GMDS: variants seen among roughly 807,000 people sequenced by gnomAD.
GMDS encodes GDP-mannose 4,6-dehydratase.
Under a neutral mutation model 49.9 loss-of-function variants are expected in GMDS, and 20 were observed. The ratio of observed to expected loss-of-function variants is 0.40; its 90% CI spans 0.28 to 0.58. GMDS has a LOEUF of 0.58. Among genes scored for constraint, GMDS ranks in the 20% least tolerant of loss-of-function variants. GMDS has a pLI of 0.42. For synonymous variants in GMDS, 177 were observed against 178.6 expected (o/e 0.99, Z 0.07); for missense variants, 362 against 481.4 (o/e 0.75, Z 2.32).
intron 2 of GMDS, among the ~76,000 whole-genome samples, chr6:2,118,774 T>G (rs1774983628): frequency 1.3e-5 from 2 of 152,196 alleles, no homozygotes; most frequent in African/African-American, 4.8e-5. Flanking sequence ...CTTCGCAAAC[T>G]TGGTTTCACA....
chr6:1,803,957 G>A (rs1770058334), intron 7 of GMDS, among the ~76,000 whole-genome samples: 1 of 152,166 alleles, frequency 6.6e-6, no homozygotes, highest in African/African-American at 2.4e-5. Flanking sequence ...AAGCTCACAG[G>A]TATGATTTAG....
chr6:1,764,176 T>C (rs1768263756), intron 7 of GMDS, among the ~76,000 whole-genome samples: 1 of 152,166 alleles, frequency 6.6e-6, no homozygotes, highest in Admixed American at 6.5e-5. Context: ...CTTTCTGTGA[T>C]CACAAATGTA....
intron 7 of GMDS, among the ~76,000 whole-genome samples, chr6:1,888,651 C>A (rs936843376): frequency 6.6e-6 from 1 of 152,114 alleles, no homozygotes; most frequent in Admixed American, 6.6e-5. Context: ...CATGCCTTCC[C>A]AACAATCCCC....
At chr6:2,178,574 C>G (rs1010022420) in intron 1 of GMDS, among the ~76,000 whole-genome samples, 1 of 152,098 alleles carries the variant, frequency 6.6e-6, no homozygotes, top group Non-Finnish European at 1.5e-5. Context: ...GGTTCCAATC[C>G]AACATAAGAT....
At chr6:1,889,178 C>A (rs1033292519) in intron 7 of GMDS, among the ~76,000 whole-genome samples, 1 of 152,204 alleles carries the variant, frequency 6.6e-6, no homozygotes, top group African/African-American at 2.4e-5. Flanking sequence ...TCATTCTCCA[C>A]ACACTCATTA....
At chr6:2,054,828 C>A (rs1016934542) in intron 4 of GMDS, among the ~76,000 whole-genome samples, 6 of 151,376 alleles carry the variant, frequency 4.0e-5, no homozygotes, top group South Asian at 2.1e-4. Flanking sequence ...ACAAAAAAAA[C>A]CACATGATCC....
At chr6:1,996,040 G>A (rs536397272) in intron 4 of GMDS, among the ~76,000 whole-genome samples, 19 of 152,180 alleles carry the variant, frequency 1.2e-4, no homozygotes, top group South Asian at 6.2e-4. Flanking sequence ...GAGAAACATG[G>A]CTTTGGGATA....
chr6:1,780,056 G>A (rs767481353), intron 7 of GMDS, among the ~76,000 whole-genome samples: 15 of 152,244 alleles, frequency 9.9e-5, no homozygotes, highest in South Asian at 2.1e-4. Context: ...CCGTGAGCAC[G>A]CCTCACTCAA....
intron 6 of GMDS, among the ~76,000 whole-genome samples, chr6:1,956,223 C>T (rs1486467213): frequency 6.6e-6 from 1 of 152,056 alleles, no homozygotes; most frequent in Non-Finnish European, 1.5e-5. Flanking sequence ...TCTTAGAGGC[C>T]CAGACAACAA....
chr6:1,997,231 T>C (rs757663694), intron 4 of GMDS, among the ~76,000 whole-genome samples: 18 of 152,028 alleles, frequency 1.2e-4, no homozygotes, highest in Non-Finnish European at 1.8e-4. Context: ...GAAGACTGGC[T>C]GGGCACGGTG....
At chr6:1,968,015 C>T (rs1187982516) in intron 4 of GMDS, among the ~76,000 whole-genome samples, 2 of 152,204 alleles carry the variant, frequency 1.3e-5, no homozygotes, top group Non-Finnish European at 2.9e-5. Flanking sequence ...AAAGCTGCAT[C>T]AGGGAAGGCC....
At chr6:2,151,337 AT>A (rs926758314) in intron 1 of GMDS, among the ~76,000 whole-genome samples, 67 of 152,132 alleles carry the variant, frequency 4.4e-4, no homozygotes, top group Admixed American at 9.2e-4. Context: ...ACTTAAAACA[AT>A]TTTTTTATTT....
At chr6:1,678,239 T>C (rs963604174) in intron 9 of GMDS, among the ~76,000 whole-genome samples, 1 of 152,094 alleles carries the variant, frequency 6.6e-6, no homozygotes, top group Non-Finnish European at 1.5e-5. Context: ...AGTAACCATT[T>C]TGAAATATAC....
rs895361409 is a variant in GMDS, at chr6:1,640,879, G to T, written c.988-16339C>A. On this transcript the variant is annotated intron_variant, in intron 9 of 10. Coordinates refer to ENST00000380815, the MANE Select transcript of GMDS (RefSeq NM_001500.4). The surrounding 1 kb of genome is among the most constrained non-coding windows in gnomAD (Gnocchi z 4.0). ...AGAGTTATGATTGACAGTGGGGGCT[G>T]CCCTGGGTAAAGCTTGAGGTGGAGG... Among the ~76,000 whole-genome samples, 10 of 152,322 alleles carry T rather than the reference G, an allele frequency of 6.6e-5. No individual in the cohort carries two copies. The East Asian group carries it at 1.9e-3, about 29-fold the overall frequency.
intron 1 of GMDS, among the ~76,000 whole-genome samples, chr6:2,234,619 A>T (rs1028268880): frequency 1.3e-5 from 2 of 150,940 alleles, no homozygotes; most frequent in Non-Finnish European, 2.9e-5. Context: ...CAAAAAAAAT[A>T]AAAAAAATAA....
chr6:1,780,028 C>A (rs191275791), intron 7 of GMDS, among the ~76,000 whole-genome samples: 9 of 152,354 alleles, frequency 5.9e-5, no homozygotes, highest in African/African-American at 2.2e-4. Flanking sequence ...CCCAACAGCT[C>A]TCTCAGGCCA....
chr6:1,955,164 C>T (rs9378664), intron 6 of GMDS, among the ~76,000 whole-genome samples: 58,740 of 151,852 alleles, frequency 0.39, 11,502 homozygotes, highest in Middle Eastern at 0.45. Context: ...GCAATATCTA[C>T]GAAGCAATAA....
At chr6:1,688,022 A>G (rs1765043405) in intron 9 of GMDS, among the ~76,000 whole-genome samples, 1 of 152,184 alleles carries the variant, frequency 6.6e-6, no homozygotes, top group Non-Finnish European at 1.5e-5. Context: ...AATGGGCTGT[A>G]GGAGGGCAAG....
At position 2,075,463 on chromosome 6, in the gene GMDS, T is replaced by A. The variant is rs146988557; in HGVS notation, c.345+40308A>T. 4.9e-3 allele frequency among the ~76,000 whole-genome samples: 740 copies of A among 152,306 alleles called. 9 individuals are homozygous for A. Among genetic ancestry groups the A allele is most frequent in the African/African-American group, 0.017 (702 of 41,564 alleles). On this transcript the variant is annotated intron_variant, in intron 4 of 10. Transcript: ENST00000380815. Reference sequence around the variant, plus strand: ...TGATGTTCCTCTTCCTGTGTCCAAGTGTTCTCATTGTTCAATTCCCACCTA... The same window carrying A: ...TGATGTTCCTCTTCCTGTGTCCAAGAGTTCTCATTGTTCAATTCCCACCTA...
Sources: allele counts gnomAD v4.1 joint callset (sites outside exome capture counted in the v4.1 genomes callset), GRCh38; gene constraint gnomAD v4.1.1; non-coding constraint Gnocchi (gnomAD v3.1); transcripts MANE v1.5; gene names NCBI Gene and HGNC (gene_info 2026-07-23, HGNC 2026-07-21).